The following ADGRL3 variants were observed in gnomAD, a reference collection of about 807,000 sequenced individuals.
The protein encoded by ADGRL3 is calcium-independent alpha-latrotoxin receptor 3.
ADGRL3 carries 62 observed loss-of-function variants against 153.5 expected under a neutral mutation model. That is an observed-to-expected ratio of 0.40 (90% CI 0.33 to 0.50). ADGRL3 has a LOEUF of 0.50. Among genes scored for constraint, ADGRL3 ranks in the 20% least tolerant of loss-of-function variants. ADGRL3 has a pLI of 0.47. For missense variants in ADGRL3, 1,641 were observed against 1,859.4 expected (o/e 0.88, Z 2.16); for synonymous variants, 710 against 672.5 (o/e 1.06, Z -0.86).
At chr4:61,532,833 T>C (rs916079853) in intron 4 of ADGRL3, among the ~76,000 whole-genome samples, 1 of 151,730 alleles carries the variant, frequency 6.6e-6, no homozygotes, top group African/African-American at 2.4e-5. Flanking sequence ...TCAGCAGGGA[T>C]TTTAAACCTG....
intron 2 of ADGRL3, among the ~76,000 whole-genome samples, chr4:61,482,348 C>T (rs941408579): frequency 5.3e-5 from 8 of 152,012 alleles, no homozygotes; most frequent in African/African-American, 1.7e-4. Flanking sequence ...ATTCAGATAC[C>T]GTATTTTTAA....
intron 9 of ADGRL3, among the ~76,000 whole-genome samples, chr4:61,853,453 C>T (rs1425697821): frequency 6.6e-6 from 1 of 152,136 alleles, no homozygotes; most frequent in African/African-American, 2.4e-5. Flanking sequence ...TTTGCTGTTC[C>T]ATCAGTTGCT....
Position 61,932,748 on chromosome 4 carries a change from A to T in ADGRL3, c.2113-2092A>T, listed in dbSNP as rs371852826. Among the ~76,000 whole-genome samples, 39 of 152,178 alleles carry T rather than the reference A, an allele frequency of 2.6e-4. No individual in the cohort carries two copies. In the East Asian group the frequency reaches 5.2e-3, roughly 20 times the overall value. ...TGGAGTTTGAGAAGGACTGGTGTTA[A>T]TTCTTCTTTAAGTGTAGAAAAATTG... is the stretch of plus-strand genomic sequence containing the variant. On this transcript the variant is annotated intron_variant, in intron 13 of 26. Coordinates refer to ENST00000683033, the MANE Select transcript of ADGRL3 (RefSeq NM_001387552.1).
chr4:61,917,380 A>AT (rs1436356374), intron 13 of ADGRL3, among the ~76,000 whole-genome samples: 1 of 152,198 alleles, frequency 6.6e-6, no homozygotes, highest in Non-Finnish European at 1.5e-5. Context: ...ATGGTATGTG[A>AT]TAATTATTTT....
chr4:61,479,455 T>A (rs1579089605), intron 2 of ADGRL3, among the ~76,000 whole-genome samples: 1 of 152,074 alleles, frequency 6.6e-6, no homozygotes, highest in African/African-American at 2.4e-5. Flanking sequence ...TCCTTAGATC[T>A]ATAAAAGTAC....
intron 13 of ADGRL3, among the ~76,000 whole-genome samples, chr4:61,923,738 C>A (rs993078863): frequency 6.6e-6 from 1 of 152,168 alleles, no homozygotes; most frequent in African/African-American, 2.4e-5. Flanking sequence ...GAATAAATGA[C>A]CTCTTATGTG....
At chr4:61,618,916 T>C (rs1163570721) in intron 5 of ADGRL3, among the ~76,000 whole-genome samples, 1 of 152,132 alleles carries the variant, frequency 6.6e-6, no homozygotes, top group Non-Finnish European at 1.5e-5. Flanking sequence ...ACAGGGTTTC[T>C]ATGTTGCCCA....
chr4:61,555,502 C>T (rs754974267), intron 4 of ADGRL3, among the ~76,000 whole-genome samples: 1 of 152,108 alleles, frequency 6.6e-6, no homozygotes, highest in Non-Finnish European at 1.5e-5. Flanking sequence ...GCTCTCAGAG[C>T]TGTTCTAGAT....
At chr4:61,460,177 C>G (rs578079439) in intron 2 of ADGRL3, among the ~76,000 whole-genome samples, 1 of 152,110 alleles carries the variant, frequency 6.6e-6, no homozygotes, top group South Asian at 2.1e-4. Context: ...AGCATTTCCC[C>G]TATGTTTTCA....
intron 15 of ADGRL3, among the ~76,000 whole-genome samples, chr4:61,938,387 T>A (rs1157057168): frequency 6.6e-6 from 1 of 152,208 alleles, no homozygotes; most frequent in Non-Finnish European, 1.5e-5. Flanking sequence ...TGCTCAGTAC[T>A]GTATTAACAC....
chr4:61,762,571 T>C (rs895418735), intron 8 of ADGRL3, among the ~76,000 whole-genome samples: 5 of 152,162 alleles, frequency 3.3e-5, no homozygotes, highest in African/African-American at 1.2e-4. Context: ...TTTATTTAAC[T>C]AGTGTGACAA....
intron 2 of ADGRL3, chr4:61,425,552 T>C (rs937132986): frequency 6.6e-6 from 1 of 152,324 alleles, no homozygotes; most frequent in African/African-American, 2.4e-5. Flanking sequence ...CTAACAAGGA[T>C]GAATCATGCC....
chr4:61,654,382 C>A lies in ADGRL3; in HGVS notation c.474-22444C>A, dbSNP rs373435763. On this transcript the variant is annotated intron_variant, in intron 5 of 26. Transcript: ENST00000683033. Reference sequence around the variant, plus strand: ...CATGATTTTAATATTACATTTGATTCTTTTTACTCATTATTAACTATGGGG... The same window carrying A: ...CATGATTTTAATATTACATTTGATTATTTTTACTCATTATTAACTATGGGG... 8.5e-4 allele frequency among the ~76,000 whole-genome samples: 129 copies of A among 151,916 alleles called. 3 individuals are homozygous for A. In the South Asian group the frequency reaches 0.027, roughly 31 times the overall value.
At chr4:61,832,245 A>C (rs1373196806) in intron 9 of ADGRL3, among the ~76,000 whole-genome samples, 1 of 152,196 alleles carries the variant, frequency 6.6e-6, no homozygotes, top group Admixed American at 6.5e-5. Context: ...GCAGGCAAAC[A>C]TTAATTTGTA....
intron 1 of ADGRL3, among the ~76,000 whole-genome samples, chr4:61,231,223 T>C (rs1189829101): frequency 6.6e-6 from 1 of 152,222 alleles, no homozygotes; most frequent in Non-Finnish European, 1.5e-5. Flanking sequence ...TCAATTGATA[T>C]TATCTCATAC....
chr4:62,044,412 C>A (rs555680454), intron 24 of ADGRL3, 41 bp from the exon 25 acceptor site: 2 of 1,225,690 alleles, frequency 1.6e-6, no homozygotes, highest in Non-Finnish European at 2.4e-6. Context: ...AAATTCACTG[C>A]ATCATGAGTT....
At chr4:61,973,952 G>C (rs1043337663) in intron 17 of ADGRL3, among the ~76,000 whole-genome samples, 1 of 151,848 alleles carries the variant, frequency 6.6e-6, no homozygotes. Flanking sequence ...TGCTTTCTTC[G>C]GATGCTTTGG....
chr4:61,884,337 C>G (rs959056435), intron 9 of ADGRL3, among the ~76,000 whole-genome samples: 1 of 152,178 alleles, frequency 6.6e-6, no homozygotes, highest in Non-Finnish European at 1.5e-5. Flanking sequence ...TGTAACCTCT[C>G]TGTGCCTCAG....
At chr4:61,340,867 C>A (rs2095794968) in intron 1 of ADGRL3, among the ~76,000 whole-genome samples, 1 of 150,986 alleles carries the variant, frequency 6.6e-6, no homozygotes, top group African/African-American at 2.4e-5. Context: ...CAGATAGAAC[C>A]ATATACCAAT....
Sources: allele counts gnomAD v4.1 joint callset (sites outside exome capture counted in the v4.1 genomes callset), GRCh38; gene constraint gnomAD v4.1.1; transcripts MANE v1.5; gene names NCBI Gene and HGNC (gene_info 2026-07-23, HGNC 2026-07-21).